LYRM4: variants seen among roughly 807,000 people sequenced by gnomAD.
LYRM4 encodes the protein LYR motif containing 4, also known as LYR motif-containing protein 4.
LYRM4 carries 9 observed loss-of-function variants against 11.7 expected under a neutral mutation model. That is an observed-to-expected ratio of 0.77 (90% CI 0.46 to 1.34). The LOEUF (loss-of-function observed/expected upper bound fraction) is 1.34, where lower values mean the gene tolerates loss of function less well. Among genes scored for constraint, LYRM4 ranks in the 40% most tolerant of loss-of-function variants. The pLI is 0.00. For missense variants in LYRM4, 133 were observed against 112.5 expected (o/e 1.18, Z -0.82); for synonymous variants, 42 against 40.4 (o/e 1.04, Z -0.15).
chr6:5,132,459 G>C (rs1008383972), intron 2 of LYRM4, among the ~76,000 whole-genome samples: 3 of 152,138 alleles, frequency 2.0e-5, no homozygotes, highest in Non-Finnish European at 4.4e-5. Context: ...TCCTCTGAAA[G>C]AATGTCTTCT....
chr6:5,085,627 C>A, the LYRM4 span: 6 of 1,548,472 alleles, frequency 3.9e-6, no homozygotes, highest in South Asian at 1.2e-5. Flanking sequence ...TTCGGAGACC[C>A]CGAGTCCTGA....
the LYRM4 span, among the ~76,000 whole-genome samples, chr6:5,080,876 T>A: frequency 6.6e-6 from 1 of 152,156 alleles, no homozygotes; most frequent in Admixed American, 6.5e-5. Flanking sequence ...GGTGATCAGA[T>A]GATCCCAGCC....
intron 2 of LYRM4, among the ~76,000 whole-genome samples, chr6:5,209,506 G>A (rs1364978426): frequency 6.6e-6 from 1 of 152,118 alleles, no homozygotes; most frequent in African/African-American, 2.4e-5. Flanking sequence ...AAAGGTATAG[G>A]GGAAAGTGCT....
At chr6:5,084,057 G>C in the LYRM4 span, among the ~76,000 whole-genome samples, 4 of 152,136 alleles carry the variant, frequency 2.6e-5, no homozygotes, top group Non-Finnish European at 5.9e-5. Flanking sequence ...ACTGCTTGAG[G>C]CCGGGAATTT....
chr6:5,113,799 T>A (rs2127595830), intron 2 of LYRM4, among the ~76,000 whole-genome samples: 1 of 152,066 alleles, frequency 6.6e-6, no homozygotes, highest in Admixed American at 6.5e-5. Flanking sequence ...ACTCCTGGGC[T>A]TAAGTGATCC....
chr6:5,096,018 C>T, the LYRM4 span, among the ~76,000 whole-genome samples: 74 of 152,094 alleles, frequency 4.9e-4, no homozygotes, highest in Non-Finnish European at 8.1e-4. Context: ...AAACAAACCC[C>T]GAGTATTATG....
At chr6:5,162,943 G>A (rs778844272) in intron 2 of LYRM4, among the ~76,000 whole-genome samples, 5 of 152,016 alleles carry the variant, frequency 3.3e-5, no homozygotes, top group Non-Finnish European at 7.4e-5. Flanking sequence ...ATTTTTAAAA[G>A]TTGGTTTTCA....
intron 1 of LYRM4, among the ~76,000 whole-genome samples, chr6:5,228,307 T>C (rs1216130024): frequency 6.6e-6 from 1 of 152,102 alleles, no homozygotes; most frequent in African/African-American, 2.4e-5. Context: ...GATAGAGTCT[T>C]GCTCTATCGT....
intron 2 of LYRM4, 43 bp downstream of exon 2, chr6:5,216,575 T>C: frequency 6.2e-7 from 1 of 1,611,840 alleles, no homozygotes; most frequent in Non-Finnish European, 8.5e-7. Context: ...TGTCGAAGTT[T>C]AAAGCTCTTA....
rs1461138807 is a variant in LYRM4 at position 5,194,664 on chromosome 6, C to G, written c.207+21954G>C. Among the ~76,000 whole-genome samples the G allele has an allele frequency of 2.0e-5, 3 of 152,280 alleles. No homozygotes were observed. The East Asian group carries it at 5.8e-4, about 29-fold the overall frequency. ...TGAAAGCGTCTTTGGAAAAATACTA[C>G]CTTTGAAAATTATCCATAAATGGCT... On this transcript the variant is annotated intron_variant, in intron 2 of 2. Transcript: ENST00000330636.
At chr6:5,122,149 G>C (rs1763486123) in intron 2 of LYRM4, among the ~76,000 whole-genome samples, 1 of 152,170 alleles carries the variant, frequency 6.6e-6, no homozygotes, top group Non-Finnish European at 1.5e-5. Context: ...CCCATCCCCA[G>C]AAGACTTGTT....
Position 5,260,723 on chromosome 6 carries a change from G to T in LYRM4, c.11C>A (p.Ser4Tyr). MAA[S>Y]SRAQVLSLYR... The stretch of plus-strand genomic sequence containing the variant: ...CAGAGATAACACTTGTGCGCGACTG[G>T]AGGCTGCCATTTTGGAAAGAAAAAA... The change falls in exon 1 of 3, where the codon TCC becomes TAC. Residue 4 changes from serine (S) to tyrosine (Y), a missense_variant. Physicochemically the swap from Ser to Tyr is moderately radical, Grantham distance 144. Transcript: ENST00000330636. 1 of 1,550,864 alleles carries T rather than the reference G, an allele frequency of 6.4e-7. No homozygotes were observed. The highest frequency in any genetic ancestry group is 8.7e-7 in the Non-Finnish European group (1 of 1,148,660).
chr6:5,150,178 G>A (rs1402260099), intron 2 of LYRM4, among the ~76,000 whole-genome samples: 2 of 152,206 alleles, frequency 1.3e-5, no homozygotes, highest in African/African-American at 2.4e-5. Context: ...GAAGGCAGGT[G>A]ATCAGTAACA....
At chr6:5,133,414 G>A (rs866147369) in intron 2 of LYRM4, among the ~76,000 whole-genome samples, 2 of 152,112 alleles carry the variant, frequency 1.3e-5, no homozygotes, top group African/African-American at 2.4e-5. Flanking sequence ...AATCTAGCAC[G>A]CCACCACCAC....
chr6:5,038,214 C>G, the LYRM4 span, among the ~76,000 whole-genome samples: 2 of 61,392 alleles, frequency 3.3e-5, no homozygotes, highest in African/African-American at 8.6e-5. Context: ...GATGGGCGGC[C>G]GGGCAGAGAC....
At chr6:5,054,049 A>G in the LYRM4 span, 2 of 849,906 alleles carry the variant, frequency 2.4e-6, no homozygotes, top group Non-Finnish European at 2.8e-6. Context: ...CAGGGTACAC[A>G]ATGTTTTCTA....
chr6:5,187,755 AAAAT>A (rs1382152528), intron 2 of LYRM4, among the ~76,000 whole-genome samples: 2 of 152,208 alleles, frequency 1.3e-5, no homozygotes, highest in African/African-American at 2.4e-5. Flanking sequence ...AAGTACAATA[AAAAT>A]AAATAAATAA....
the LYRM4 span, chr6:5,085,751 C>T: frequency 7.2e-6 from 11 of 1,537,988 alleles, no homozygotes; most frequent in East Asian, 2.5e-5. Flanking sequence ...TCCTTGCCCG[C>T]CGACCCCATC....
chr6:5,237,556 C>T (rs1328974403), intron 1 of LYRM4, among the ~76,000 whole-genome samples: 1 of 152,032 alleles, frequency 6.6e-6, no homozygotes, highest in Non-Finnish European at 1.5e-5. Context: ...CCCCACAACC[C>T]CAGTCCGTGG....
Sources: allele counts gnomAD v4.1 joint callset (sites outside exome capture counted in the v4.1 genomes callset), GRCh38; gene constraint gnomAD v4.1.1; transcripts MANE v1.5; gene names NCBI Gene and HGNC (gene_info 2026-07-23, HGNC 2026-07-21).